Variants in GADL1 observed in about 807,000 individuals in gnomAD.
GADL1 encodes GAD like acidic amino acid decarboxylase 1, also known as acidic amino acid decarboxylase GADL1.
In GADL1, 71 loss-of-function variants were observed where a neutral mutation model predicts 69.5. The ratio of observed to expected loss-of-function variants is 1.02; its 90% CI spans 0.84 to 1.25. The LOEUF is 1.25. GADL1 is among the 50% of genes most tolerant of loss of function. The pLI is 0.00. For missense variants in GADL1, 737 were observed against 631.8 expected (o/e 1.17, Z -1.79); for synonymous variants, 254 against 214.4 (o/e 1.18, Z -1.62).
intron 8 of GADL1, among the ~76,000 whole-genome samples, chr3:30,840,677 C>T (rs1045638398): frequency 1.3e-5 from 2 of 152,164 alleles, no homozygotes; most frequent in Admixed American, 6.6e-5. Context: ...TGAGAAAATA[C>T]ATTTGCAAGC....
At chr3:30,750,646 CTTTT>C (rs5847629) in intron 14 of GADL1, among the ~76,000 whole-genome samples, 5 of 151,000 alleles carry the variant, frequency 3.3e-5, no homozygotes, top group Admixed American at 1.3e-4. Flanking sequence ...CTTGCAGCCA[CTTTT>C]TTTTTTTAAC....
rs530761266 is a variant in GADL1, at chr3:30,808,036, G to A, written c.1051-6948C>T. ...AACAGAGAGAGACCCCTTCGGGGGG[G>A]AAATAAAAGTGTTTTTCCCAAAAGG... On this transcript the variant is annotated intron_variant, in intron 11 of 14. Transcript: ENST00000282538. Among the ~76,000 whole-genome samples the A allele has an allele frequency of 2.0e-5, 3 of 152,188 alleles. No homozygotes were observed. The East Asian group carries it at 5.8e-4, about 30-fold the overall frequency.
intron 14 of GADL1, among the ~76,000 whole-genome samples, chr3:30,758,526 T>G (rs1406253843): frequency 6.7e-6 from 1 of 149,668 alleles, no homozygotes; most frequent in Non-Finnish European, 1.5e-5. Flanking sequence ...GGTAACTACC[T>G]CATAGAGGGT....
chr3:30,818,538 G>T (rs1244241840), intron 11 of GADL1, among the ~76,000 whole-genome samples: 2 of 151,968 alleles, frequency 1.3e-5, no homozygotes, highest in Non-Finnish European at 2.9e-5. Context: ...TCTATTTCAT[G>T]TTATTGTGAA....
At chr3:30,755,539 C>CT (rs1695947997) in intron 14 of GADL1, among the ~76,000 whole-genome samples, 1 of 152,164 alleles carries the variant, frequency 6.6e-6, no homozygotes, top group African/African-American at 2.4e-5. Context: ...CCTAGGAGGG[C>CT]TATCTCCTTT....
intron 11 of GADL1, among the ~76,000 whole-genome samples, chr3:30,820,322 C>G (rs1033334877): frequency 1.3e-5 from 2 of 151,864 alleles, no homozygotes; most frequent in East Asian, 3.9e-4. Flanking sequence ...ATCACAAAGA[C>G]AAGAATGTCT....
At chr3:30,764,498 T>C (rs988269504) in intron 14 of GADL1, among the ~76,000 whole-genome samples, 1 of 152,204 alleles carries the variant, frequency 6.6e-6, no homozygotes, top group African/African-American at 2.4e-5. Flanking sequence ...TAGTTACATT[T>C]TCTTTCCAAC....
At chr3:30,833,017 TA>T (rs1697817496) in intron 11 of GADL1, among the ~76,000 whole-genome samples, 1 of 152,050 alleles carries the variant, frequency 6.6e-6, no homozygotes, top group Non-Finnish European at 1.5e-5. Flanking sequence ...TTTCAAGTTT[TA>T]AAAATAGTTT....
intron 11 of GADL1, among the ~76,000 whole-genome samples, chr3:30,825,627 A>G (rs1260446680): frequency 2.0e-5 from 3 of 151,874 alleles, no homozygotes; most frequent in African/African-American, 4.8e-5. Flanking sequence ...CTCAACTATC[A>G]TATCAGAGTA....
At chr3:30,821,264 G>T (rs897996961) in intron 11 of GADL1, among the ~76,000 whole-genome samples, 2 of 151,908 alleles carry the variant, frequency 1.3e-5, no homozygotes, top group Non-Finnish European at 2.9e-5. Context: ...CACCAGCATG[G>T]CACATGTATA....
At chr3:30,856,466 A>G (rs1698232549) in intron 3 of GADL1, among the ~76,000 whole-genome samples, 1 of 152,094 alleles carries the variant, frequency 6.6e-6, no homozygotes, top group Admixed American at 6.6e-5. Context: ...CTTGGAATGT[A>G]TTCATTTGTC....
intron 14 of GADL1, among the ~76,000 whole-genome samples, chr3:30,747,064 G>C (rs138641270): frequency 3.9e-5 from 6 of 152,294 alleles, no homozygotes; most frequent in African/African-American, 1.4e-4. Context: ...CTGCAACATG[G>C]TGCCTGTCAG....
intron 14 of GADL1, among the ~76,000 whole-genome samples, chr3:30,775,543 G>A (rs553909640): frequency 6.6e-6 from 1 of 151,564 alleles, no homozygotes; most frequent in South Asian, 2.1e-4. Context: ...AAGAAACTCA[G>A]AACCAGTGAT....
intron 2 of GADL1, among the ~76,000 whole-genome samples, chr3:30,859,193 GAGAT>G (rs1698277668): frequency 1.3e-5 from 2 of 151,846 alleles, no homozygotes; most frequent in South Asian, 4.1e-4. Flanking sequence ...GGGGAGGAGA[GAGAT>G]AGGGAAGTAG....
chr3:30,888,491 T>C (rs954452338), intron 1 of GADL1, among the ~76,000 whole-genome samples: 2 of 152,138 alleles, frequency 1.3e-5, no homozygotes, highest in Non-Finnish European at 2.9e-5. Flanking sequence ...AAGAGGGGTG[T>C]TCCAAAATCC....
At chr3:30,851,015 C>A in intron 4 of GADL1, 74 bp from the exon 5 acceptor site, 1 of 882,086 alleles carries the variant, frequency 1.1e-6, no homozygotes, top group Non-Finnish European at 1.8e-6. Flanking sequence ...AAGAAATGCA[C>A]AGAGTTCTAT....
intron 14 of GADL1, among the ~76,000 whole-genome samples, chr3:30,762,506 G>A (rs761954885): frequency 7.9e-5 from 12 of 152,114 alleles, no homozygotes; most frequent in Non-Finnish European, 1.5e-4. Flanking sequence ...ACCATAGTAG[G>A]TGTATATAAT....
chr3:30,754,784 T>C (rs528600777), intron 14 of GADL1, among the ~76,000 whole-genome samples: 2 of 152,314 alleles, frequency 1.3e-5, no homozygotes, highest in East Asian at 1.9e-4. Context: ...ATGTAGAAGA[T>C]GTAATTACCC....
chr3:30,846,054 CAAAAAA>C (rs55634806), intron 6 of GADL1, among the ~76,000 whole-genome samples: 1 of 115,916 alleles, frequency 8.6e-6, no homozygotes, highest in African/African-American at 2.8e-5. Flanking sequence ...ATAGATAGAT[CAAAAAA>C]AAAAAAAACA....
Sources: allele counts gnomAD v4.1 joint callset (sites outside exome capture counted in the v4.1 genomes callset), GRCh38; gene constraint gnomAD v4.1.1; transcripts MANE v1.5; gene names NCBI Gene and HGNC (gene_info 2026-07-23, HGNC 2026-07-21).